Variants in DYNC2H1 observed in about 807,000 individuals in gnomAD.
The protein encoded by DYNC2H1 is dynein cytoplasmic 2 heavy chain 1, also known as cytoplasmic dynein 2 heavy chain 1.
Under a neutral mutation model 570.0 loss-of-function variants are expected in DYNC2H1, and 410 were observed. That is an observed-to-expected ratio of 0.72 (90% confidence interval 0.66 to 0.78). The LOEUF (loss-of-function observed/expected upper bound fraction) is 0.78. DYNC2H1 is among the 30% of genes least tolerant of loss of function. The pLI is 0.00. For synonymous variants in DYNC2H1, 1,688 were observed against 1,677.6 expected, an observed-to-expected ratio of 1.01 and a Z score of -0.15; for missense variants, 4,865 against 5,046.4, an observed-to-expected ratio of 0.96 and a Z score of 1.09.
intron 78 of DYNC2H1, among the ~76,000 whole-genome samples, chr11:103,310,910 C>T (rs1007731409): frequency 2.0e-5 from 3 of 151,552 alleles, no homozygotes; most frequent in Non-Finnish European, 4.4e-5. Context: ...CCATGTTGGC[C>T]AGGCTGGTCT....
At chr11:103,374,467 A>G (rs762604376) in intron 83 of DYNC2H1, among the ~76,000 whole-genome samples, 33 of 152,216 alleles carry the variant, frequency 2.2e-4, no homozygotes, top group Non-Finnish European at 4.3e-4. Context: ...AAGAACGTGG[A>G]AAGCAACTTT....
At position 103,114,116 on chromosome 11, in the gene DYNC2H1, G is replaced by A; in HGVS notation, c.380G>A (p.Ser127Asn). The A allele has an allele frequency of 6.2e-7, 1 of 1,610,318 alleles. No homozygotes were observed. The highest frequency in any genetic ancestry group is 8.5e-7 in the Non-Finnish European group (1 of 1,178,142). The stretch of plus-strand genomic sequence containing the variant: ...GTTTTTATTTAGGATCAGGAATGGA[G>A]CAGAAACTTTGATCCCAAACTTCAG... ...APMLLKDQEW[S>N]RNFDPKLQNL... The change falls in exon 3 of 89, where the codon AGC (serine) becomes AAC (asparagine). Residue 127 changes from serine to asparagine, a missense_variant. Ser to Asn is a conservative substitution (Grantham distance 46). Transcript: ENST00000375735.
At chr11:103,440,123 T>C (rs589943) in intron 85 of DYNC2H1, among the ~76,000 whole-genome samples, 120,968 of 152,084 alleles carry the variant, frequency 0.8, 48,970 homozygotes, top group East Asian at 0.96. Context: ...CGTACACCTG[T>C]AATTTTTATT....
At chr11:103,426,592 C>T (rs607547) in intron 84 of DYNC2H1, among the ~76,000 whole-genome samples, 84,525 of 152,088 alleles carry the variant, frequency 0.56, 24,127 homozygotes, top group East Asian at 0.72. Flanking sequence ...TACTGAACAT[C>T]TATGTTAGCT....
chr11:103,209,308 T>G lies in DYNC2H1; in HGVS notation c.8455-568T>G, dbSNP rs11225605. 0.11 allele frequency among the ~76,000 whole-genome samples: 16,176 copies of G among 151,946 alleles called. 1,012 individuals carry two copies. Among genetic ancestry groups the G allele is most frequent in the East Asian group, 0.22 (1,119 of 5,156 alleles). ...TTCTTTTGTATATTCTAAAGTAGCATTCTTATAAGGTTATCTTTACTTTAA... is the reference window on the plus strand; with the variant it reads ...TTCTTTTGTATATTCTAAAGTAGCAGTCTTATAAGGTTATCTTTACTTTAA... On this transcript the variant is annotated intron_variant, in intron 52 of 88. Coordinates refer to ENST00000375735, the MANE Select transcript of DYNC2H1 (RefSeq NM_001377.3). This position sits in a 1 kb window ranked among gnomAD's most constrained non-coding sequence, Gnocchi z 4.2.
At chr11:103,392,341 G>A (rs569860060) in intron 83 of DYNC2H1, among the ~76,000 whole-genome samples, 189 of 152,318 alleles carry the variant, frequency 1.2e-3, no homozygotes, top group African/African-American at 4.1e-3. Context: ...TGCTAAGACC[G>A]TTGGAAAAGC....
intron 82 of DYNC2H1, among the ~76,000 whole-genome samples, chr11:103,357,862 A>G (rs1940424084): frequency 6.6e-6 from 1 of 152,180 alleles, no homozygotes; most frequent in Non-Finnish European, 1.5e-5. Flanking sequence ...AGATGGGAGG[A>G]TCGCTTGAGC....
In DYNC2H1 at chr11:103,472,209, T is replaced by C. The variant is rs1285069776; in HGVS notation, c.12765+3504T>C. On this transcript the variant is annotated intron_variant, in intron 88 of 88. Coordinates refer to ENST00000375735, the MANE Select transcript of DYNC2H1 (RefSeq NM_001377.3). This position sits in a 1 kb window ranked among gnomAD's most constrained non-coding sequence, Gnocchi z 4.1. ...CCATGCCAGAGTTTAGACCACCTTA[T>C]GATCAGTAGGAAGCCATCAAGAATT... Among the ~76,000 whole-genome samples the C allele has an allele frequency of 5.9e-5, 9 of 151,990 alleles. No individual in the cohort carries two copies. The highest frequency in any genetic ancestry group is 5.9e-4 in the Admixed American group (9 of 15,258).
chr11:103,208,944 C>T (rs11225604), intron 52 of DYNC2H1, among the ~76,000 whole-genome samples: 7,539 of 152,000 alleles, frequency 0.05, 255 homozygotes, highest in Non-Finnish European at 0.071. Flanking sequence ...TTAAAGAAAA[C>T]GAGTTCCCAA....
At chr11:103,333,054 T>TACTC (rs10676866) in intron 82 of DYNC2H1, among the ~76,000 whole-genome samples, 101,146 of 151,404 alleles carry the variant, frequency 0.67, 33,823 homozygotes, top group Admixed American at 0.73. Context: ...CCAGCAGACT[T>TACTC]TATAAGATTG....
At chr11:103,147,351 T>C (rs1194339549) in intron 18 of DYNC2H1, among the ~76,000 whole-genome samples, 1 of 152,194 alleles carries the variant, frequency 6.6e-6, no homozygotes, top group Non-Finnish European at 1.5e-5. Flanking sequence ...TAAATTCACT[T>C]TCTATCTACA....
At chr11:103,200,185 A>T in intron 50 of DYNC2H1, 31 bp downstream of exon 50, 1 of 1,393,874 alleles carries the variant, frequency 7.2e-7, no homozygotes, top group Non-Finnish European at 9.7e-7. Flanking sequence ...CGAAGAAAAT[A>T]AAAATAATGG....
At chr11:103,114,943 G>T (rs942480657) in intron 3 of DYNC2H1, among the ~76,000 whole-genome samples, 4 of 151,962 alleles carry the variant, frequency 2.6e-5, no homozygotes, top group Non-Finnish European at 5.9e-5. Flanking sequence ...ATTTTAAACA[G>T]CGAATCACTA....
rs1864746033 is a variant in DYNC2H1, at chr11:103,249,413, A to G, written c.10043-3872A>G. On this transcript the variant is annotated intron_variant, in intron 65 of 88. Transcript: ENST00000375735. This position sits in a 1 kb window ranked among gnomAD's most constrained non-coding sequence, Gnocchi z 4.6. Reference sequence around the variant, plus strand: ...GAAAAGAATACCTAAATTTATAGCTAATGAATTTTTACAAATTGAATACAC... The same window carrying G: ...GAAAAGAATACCTAAATTTATAGCTGATGAATTTTTACAAATTGAATACAC... Among the ~76,000 whole-genome samples the G allele has an allele frequency of 1.3e-5, 2 of 151,996 alleles. No individual in the cohort carries two copies. The highest frequency in any genetic ancestry group is 4.8e-5 in the African/African-American group (2 of 41,428).
In DYNC2H1 at chr11:103,129,029, A is replaced by T; in HGVS notation, c.1953+24A>T. The T allele has an allele frequency of 6.4e-7, 1 of 1,554,536 alleles. No homozygotes were observed. The highest frequency in any genetic ancestry group is 8.8e-7 in the Non-Finnish European group (1 of 1,138,920). The stretch of plus-strand genomic sequence containing the variant: ...AGGTAAATGGGCTTTTAATTTTATT[A>T]TAATTAGATTTTACATGTGAAGTGT... On this transcript the variant is annotated intron_variant, in intron 13 of 88. Transcript: ENST00000375735. The surrounding 1 kb of genome is among the most constrained non-coding windows in gnomAD (Gnocchi z 4.1).
intron 82 of DYNC2H1, among the ~76,000 whole-genome samples, chr11:103,351,615 T>A (rs909826534): frequency 1.3e-5 from 2 of 152,216 alleles, no homozygotes; most frequent in African/African-American, 4.8e-5. Flanking sequence ...CTCCTTAATT[T>A]ATGTGATGAA....
At position 103,299,160 on chromosome 11, in the gene DYNC2H1, C is replaced by G. The variant is rs7102731; in HGVS notation, c.11096-3933C>G. 0.17 allele frequency among the ~76,000 whole-genome samples: 25,110 copies of G among 151,980 alleles called. 2,256 individuals are homozygous for G. The highest frequency in any genetic ancestry group is 0.25 in the Admixed American group (3,848 of 15,226). On this transcript the variant is annotated intron_variant, in intron 75 of 88. Coordinates refer to ENST00000375735, the MANE Select transcript of DYNC2H1 (RefSeq NM_001377.3). The surrounding 1 kb of genome is among the most constrained non-coding windows in gnomAD (Gnocchi z 4.5). ...ACTACAGTAACCAGAAATTTTTAAA[C>G]GTTCTTCATCCAAAAGTTATTTTTG...
At chr11:103,255,971 C>A in intron 67 of DYNC2H1, 135 bp from the exon 68 acceptor site, 1 of 678,366 alleles carries the variant, frequency 1.5e-6, no homozygotes, top group Non-Finnish European at 2.3e-6. Flanking sequence ...TTTAAGAGGG[C>A]TATAAAATGT....
intron 83 of DYNC2H1, among the ~76,000 whole-genome samples, chr11:103,388,342 C>T (rs987501573): frequency 6.6e-6 from 1 of 152,088 alleles, no homozygotes; most frequent in African/African-American, 2.4e-5. Context: ...GTGATTTTTG[C>T]ACATTGATTT....
Sources: gnomAD v4.1 joint callset for allele counts (sites outside exome capture counted in the v4.1 genomes callset) on GRCh38, gnomAD v4.1.1 for gene constraint, Gnocchi (gnomAD v3.1) non-coding constraint, MANE v1.5 for transcripts, NCBI Gene and HGNC (gene_info 2026-07-23, HGNC 2026-07-21) for gene names.